The following UST variants were observed in gnomAD, a reference collection of about 807,000 sequenced individuals.
UST encodes chondroitin sulfate 2-O-sulfotransferase.
In UST, 21 loss-of-function variants were observed where a neutral mutation model predicts 45.6. The ratio of observed to expected loss-of-function variants is 0.46; its 90% CI spans 0.33 to 0.66. UST has a LOEUF of 0.66. Among genes scored for constraint, UST ranks in the 30% least tolerant of loss-of-function variants. UST has a pLI of 0.02. For missense variants in UST, 463 were observed against 512.4 expected, an observed-to-expected ratio of 0.90 and a Z score of 0.93; for synonymous variants, 215 against 200.6, an observed-to-expected ratio of 1.07 and a Z score of -0.61.
At chr6:148,983,559 G>T (rs1014589889) in intron 5 of UST, among the ~76,000 whole-genome samples, 2 of 152,228 alleles carry the variant, frequency 1.3e-5, no homozygotes, top group Non-Finnish European at 2.9e-5. Context: ...GCTGGAGCAG[G>T]AGGGTTGGAA....
chr6:149,051,285 A>G (rs1210537992), intron 7 of UST, among the ~76,000 whole-genome samples: 1 of 152,202 alleles, frequency 6.6e-6, no homozygotes, highest in East Asian at 1.9e-4. Flanking sequence ...AGAGAATTCC[A>G]CAACAGCTTA....
chr6:148,936,573 C>CT lies in UST; in HGVS notation c.292-4678dup, dbSNP rs138494669. On this transcript the variant is annotated intron_variant, in intron 2 of 7. Coordinates refer to ENST00000367463, the MANE Select transcript of UST (RefSeq NM_005715.3). The stretch of plus-strand genomic sequence containing the variant: ...GTCCCTCCCTCCTTAAAAATCAGTC[C>CT]TTTTTTTTTTTTTTTTTTTTTTTTT... Among the ~76,000 whole-genome samples, 610 of 85,332 alleles carry CT rather than the reference C, an allele frequency of 7.1e-3. 27 individuals are homozygous for CT. The highest frequency in any genetic ancestry group is 0.015 in the Middle Eastern group (2 of 134). 56.0% of individuals were successfully genotyped at this position (85,332 alleles called of 152,430 possible).
At chr6:148,797,301 A>C (rs1776971312) in intron 1 of UST, among the ~76,000 whole-genome samples, 1 of 152,160 alleles carries the variant, frequency 6.6e-6, no homozygotes, top group Admixed American at 6.5e-5. Flanking sequence ...CAAAAACCAA[A>C]CAAACAAGCA....
intron 2 of UST, among the ~76,000 whole-genome samples, chr6:148,915,019 C>T (rs1218852776): frequency 1.3e-5 from 2 of 152,090 alleles, no homozygotes; most frequent in Non-Finnish European, 2.9e-5. Context: ...CAGATGGTGC[C>T]TTCTCACATG....
At chr6:148,993,100 G>A (rs1355365626) in intron 5 of UST, 2 of 983,558 alleles carry the variant, frequency 2.0e-6, no homozygotes, top group Non-Finnish European at 2.4e-6. Flanking sequence ...TTGTTTCTAG[G>A]TCAGTTAACA....
intron 7 of UST, among the ~76,000 whole-genome samples, chr6:149,033,621 T>C (rs1776188720): frequency 6.6e-6 from 1 of 152,174 alleles, no homozygotes; most frequent in African/African-American, 2.4e-5. Context: ...AATCCCACAC[T>C]GATGAGAAGA....
intron 7 of UST, among the ~76,000 whole-genome samples, chr6:149,065,086 T>G (rs778722818): frequency 4.6e-5 from 7 of 152,224 alleles, no homozygotes; most frequent in Non-Finnish European, 8.8e-5. Context: ...CAGAGAACGC[T>G]CATGGAGTGA....
chr6:148,773,844 C>T (rs574003089), intron 1 of UST, among the ~76,000 whole-genome samples: 1 of 152,274 alleles, frequency 6.6e-6, no homozygotes, highest in East Asian at 1.9e-4. Context: ...GGGCGTTGAG[C>T]AGGGATTGTC....
chr6:148,977,053 C>G (rs1393557815), intron 5 of UST, among the ~76,000 whole-genome samples: 1 of 151,886 alleles, frequency 6.6e-6, no homozygotes, highest in Admixed American at 6.5e-5. Flanking sequence ...TATAACATAT[C>G]AATGTAGTTT....
chr6:149,038,815 G>A (rs1241695340), intron 7 of UST, among the ~76,000 whole-genome samples: 1 of 152,072 alleles, frequency 6.6e-6, no homozygotes, highest in African/African-American at 2.4e-5. Context: ...AAGGAATTGG[G>A]GGGAAAAAGA....
chr6:148,798,385 C>T (rs944380733), intron 1 of UST, among the ~76,000 whole-genome samples: 2 of 152,000 alleles, frequency 1.3e-5, no homozygotes, highest in South Asian at 2.1e-4. Context: ...GGGAGGCTAA[C>T]GGGCTGTGTT....
intron 1 of UST, among the ~76,000 whole-genome samples, chr6:148,828,666 A>G (rs1777619832): frequency 1.3e-5 from 2 of 152,214 alleles, no homozygotes; most frequent in African/African-American, 2.4e-5. Flanking sequence ...ATTTATGCAC[A>G]TAAAACACTT....
chr6:148,924,679 G>C (rs894113462), intron 2 of UST, among the ~76,000 whole-genome samples: 9 of 152,118 alleles, frequency 5.9e-5, no homozygotes, highest in Non-Finnish European at 1.3e-4. Flanking sequence ...CGTCACATGT[G>C]GGCTGGACTT....
At position 148,776,189 on chromosome 6, in the gene UST, T is replaced by G. The variant is rs144247226; in HGVS notation, c.247+28512T>G. ...GATCTCTTTAAATACCAGCCTGGTGTTGTTCTGTGTTAGAGAAATTCTGGC... is the reference window on the plus strand; with the variant it reads ...GATCTCTTTAAATACCAGCCTGGTGGTGTTCTGTGTTAGAGAAATTCTGGC... On this transcript the variant is annotated intron_variant, in intron 1 of 7. Coordinates refer to ENST00000367463, the MANE Select transcript of UST (RefSeq NM_005715.3). Among the ~76,000 whole-genome samples, 721 of 152,172 alleles carry G rather than the reference T, an allele frequency of 4.7e-3. 7 individuals carry two copies. Among genetic ancestry groups the G allele is most frequent in the African/African-American group, 0.017 (692 of 41,556 alleles).
chr6:148,869,667 T>C (rs964352241), intron 1 of UST, among the ~76,000 whole-genome samples: 14 of 152,212 alleles, frequency 9.2e-5, no homozygotes, highest in African/African-American at 2.7e-4. Context: ...GCTTCCTAAA[T>C]CAGCATCAGC....
At chr6:148,761,772 A>C (rs1343285694) in intron 1 of UST, among the ~76,000 whole-genome samples, 1 of 152,190 alleles carries the variant, frequency 6.6e-6, no homozygotes, top group Non-Finnish European at 1.5e-5. Flanking sequence ...CCTGTGTGGA[A>C]GATCTGCTTG....
At chr6:149,042,118 A>T (rs1776323018) in intron 7 of UST, among the ~76,000 whole-genome samples, 1 of 152,256 alleles carries the variant, frequency 6.6e-6, no homozygotes, top group African/African-American at 2.4e-5. Flanking sequence ...AGAATAATCC[A>T]GTGACTTAGG....
chr6:148,874,240 A>G (rs1204099090), intron 1 of UST, among the ~76,000 whole-genome samples: 1 of 152,220 alleles, frequency 6.6e-6, no homozygotes, highest in African/African-American at 2.4e-5. Flanking sequence ...ATACATATTT[A>G]TATTTCGGTT....
At chr6:148,969,511 C>T (rs553927395) in intron 5 of UST, among the ~76,000 whole-genome samples, 5 of 152,294 alleles carry the variant, frequency 3.3e-5, no homozygotes, top group East Asian at 1.9e-4. Context: ...GACCATATTA[C>T]CTACTTTGCC....
Sources: allele counts gnomAD v4.1 joint callset (sites outside exome capture counted in the v4.1 genomes callset), GRCh38; gene constraint gnomAD v4.1.1; transcripts MANE v1.5; gene names NCBI Gene and HGNC (gene_info 2026-07-23, HGNC 2026-07-21).